Variants in PIK3R4 observed in about 807,000 individuals in gnomAD.
The protein encoded by PIK3R4 is phosphoinositide 3-kinase regulatory subunit 4.
A neutral mutation model predicts 136.5 loss-of-function variants in PIK3R4; 46 were observed. That is an observed-to-expected ratio of 0.34 (90% confidence interval 0.27 to 0.43). PIK3R4 has a LOEUF of 0.43. Ranked by LOEUF, PIK3R4 falls within the 20% of genes least tolerant of loss-of-function variation. The probability of loss-of-function intolerance (pLI) is 1.00; values close to 1 mark genes in which losing one functional copy is unlikely to be tolerated. For missense variants in PIK3R4, 1,331 were observed against 1,649.5 expected (o/e 0.81, Z 3.35); for synonymous variants, 557 against 566.7 (o/e 0.98, Z 0.24).
At chr3:130,742,903 T>C (rs975055318) in intron 2 of PIK3R4, among the ~76,000 whole-genome samples, 2 of 152,202 alleles carry the variant, frequency 1.3e-5, no homozygotes, top group Admixed American at 1.3e-4. Context: ...CTCAGCTTCA[T>C]GTGGTCTGTG....
In PIK3R4 at chr3:130,723,437, A is replaced by G. The variant is rs2066714259; in HGVS notation, c.1958T>C (p.Val653Ala). Residue 653 changes from valine to alanine, a missense_variant, in exon 7 of 20, where the codon GTT becomes GCT. By Grantham distance (64) the Val-to-Ala change is moderately conservative. Around this residue, in one of 2 missense-constraint regions of PIK3R4, gnomAD observed 1,180 missense variants for 1,407.0 expected, o/e 0.84. Coordinates refer to ENST00000356763, the MANE Select transcript of PIK3R4 (RefSeq NM_014602.3). ...ACCAATATCACTGGCAAATTCGTAA[A>G]CATGGGGTTTTTGTAGCAGTCCTAA... ...CQLGLLQKPH[V>A]YEFASDIAPF... is the part of the protein sequence containing the mutation. 2 of 1,603,994 alleles carry G rather than the reference A, an allele frequency of 1.2e-6. No homozygotes were observed. Among genetic ancestry groups the G allele is most frequent in the Admixed American group, 1.7e-5 (1 of 58,072 alleles).
rs184568418 is a variant in PIK3R4, at chr3:130,693,526, A to G, written c.3099-2872T>C. Among the ~76,000 whole-genome samples, 298 of 152,194 alleles carry G rather than the reference A, an allele frequency of 2.0e-3. 1 individual carries two copies. Among genetic ancestry groups the G allele is most frequent in the African/African-American group, 7.0e-3 (290 of 41,532 alleles). On this transcript the variant is annotated intron_variant, in intron 13 of 19. Transcript: ENST00000356763. ...GAAGGAGTATCTCACTGTGGTTTTG[A>G]TTTACATTTCTCTAGTGACTAAGAA...
chr3:130,712,739 TA>T (rs2066639344), intron 9 of PIK3R4, among the ~76,000 whole-genome samples: 1 of 151,884 alleles, frequency 6.6e-6, no homozygotes, highest in Non-Finnish European at 1.5e-5. Context: ...TCCAAGTCTC[TA>T]CTAGTAATCC....
At chr3:130,726,751 T>A (rs981862971) in intron 6 of PIK3R4, among the ~76,000 whole-genome samples, 3 of 151,928 alleles carry the variant, frequency 2.0e-5, no homozygotes, top group African/African-American at 7.2e-5. Context: ...AAATAAAAAA[T>A]TTATTTTTAA....
intron 14 of PIK3R4, among the ~76,000 whole-genome samples, chr3:130,688,826 T>G (rs78089843): frequency 1.3e-5 from 2 of 152,322 alleles, no homozygotes; most frequent in African/African-American, 4.8e-5. Context: ...TTGTAAATAT[T>G]TTAGGCTTTG....
chr3:130,703,218 C>T (rs1359075590), intron 13 of PIK3R4, among the ~76,000 whole-genome samples: 1 of 152,186 alleles, frequency 6.6e-6, no homozygotes, highest in South Asian at 2.1e-4. Context: ...ATCTAACTGG[C>T]CCCTCTTACT....
chr3:130,687,601 A>T (rs958830367), intron 14 of PIK3R4, among the ~76,000 whole-genome samples: 2 of 152,062 alleles, frequency 1.3e-5, no homozygotes, highest in Non-Finnish European at 2.9e-5. Context: ...GTTGACTGGG[A>T]TTCTTCTGTA....
chr3:130,729,805 A>G (rs559585786), intron 5 of PIK3R4, among the ~76,000 whole-genome samples: 2 of 152,342 alleles, frequency 1.3e-5, no homozygotes, highest in African/African-American at 4.8e-5. Flanking sequence ...CTCAACAAAC[A>G]TTAAGTAAAA....
chr3:130,704,822 T>G (rs1016534762), intron 12 of PIK3R4, among the ~76,000 whole-genome samples: 1 of 151,992 alleles, frequency 6.6e-6, no homozygotes, highest in Non-Finnish European at 1.5e-5. Flanking sequence ...TTTTTATTTA[T>G]TTACTTTATT....
Position 130,744,865 on chromosome 3 carries a change from T to C in PIK3R4, c.354A>G (p.Pro118=), listed in dbSNP as rs2066843975. The change falls in exon 2 of 20, where the codon CCA becomes CCG. Residue 118 remains proline, a synonymous_variant. Coordinates refer to ENST00000356763, the MANE Select transcript of PIK3R4 (RefSeq NM_014602.3). The part of the protein sequence containing the change: ...DNLYDRISTR[P]FLNNIEKRWI... ...AGCGCTTCTCAATGTTATTCAAGAA[T>C]GGACGGGTACTGATGCGATCATAGA... 1.9e-6 allele frequency: 3 copies of C among 1,614,214 alleles called. No homozygotes were observed. Among genetic ancestry groups the C allele is most frequent in the Non-Finnish European group, 2.5e-6 (3 of 1,180,042 alleles).
At chr3:130,690,447 G>A (rs2066510505) in intron 14 of PIK3R4, 43 bp downstream of exon 14, 1 of 1,443,176 alleles carries the variant, frequency 6.9e-7, no homozygotes, top group Non-Finnish European at 9.6e-7. Flanking sequence ...AGGTACTGTA[G>A]TGCACTAAAT....
At chr3:130,694,207 T>G (rs73868944) in intron 13 of PIK3R4, among the ~76,000 whole-genome samples, 5,525 of 152,176 alleles carry the variant, frequency 0.036, 358 homozygotes, top group African/African-American at 0.13. Context: ...AATACAGAAG[T>G]GTGAGTCCTT....
chr3:130,705,651 T>TAACTC lies in PIK3R4; in HGVS notation c.2841_2842insGAGTT (p.Ile948GlufsTer15). Reference sequence around the variant, plus strand: ...TTGCACTGCTCCCGCTTTTGCTGGATGAGTTGCTGAAGTTCAGTTTTACAA... The same window carrying TAACTC: ...TTGCACTGCTCCCGCTTTTGCTGGATAACTCGAGTTGCTGAAGTTCAGTTTTACAA... On this transcript the variant is annotated frameshift_variant, in exon 12 of 20. Transcript: ENST00000356763. LOFTEE classifies it high-confidence loss of function. 6.2e-7 allele frequency: 1 copy of TAACTC among 1,613,478 alleles called. No individual in the cohort carries two copies. Among genetic ancestry groups the TAACTC allele is most frequent in the Non-Finnish European group, 8.5e-7 (1 of 1,179,404 alleles).
chr3:130,724,580 GAATTCTCAA>G (rs1323375390), intron 6 of PIK3R4, among the ~76,000 whole-genome samples: 1 of 151,922 alleles, frequency 6.6e-6, no homozygotes, highest in Non-Finnish European at 1.5e-5. Flanking sequence ...AAATTGTTGA[GAATTCTCAA>G]TTCTCAACTA....
At position 130,704,354 on chromosome 3, in the gene PIK3R4, A is replaced by G. The variant is rs185442182; in HGVS notation, c.2933-466T>C. On this transcript the variant is annotated intron_variant, in intron 12 of 19. Transcript: ENST00000356763. Reference sequence around the variant, plus strand: ...ACTGTTTTTAAAGTTGTGCTGGTATATCACAAAAACCGTTTGAACATTAAA... The same window carrying G: ...ACTGTTTTTAAAGTTGTGCTGGTATGTCACAAAAACCGTTTGAACATTAAA... Among the ~76,000 whole-genome samples, 509 of 152,342 alleles carry G rather than the reference A, an allele frequency of 3.3e-3. 2 individuals carry two copies. Among genetic ancestry groups the G allele is most frequent in the African/African-American group, 0.011 (470 of 41,586 alleles).
rs748807652 is a variant in PIK3R4, at chr3:130,723,511, C to G, written c.1884G>C (p.Glu628Asp). 2 of 1,614,078 alleles carry G rather than the reference C, an allele frequency of 1.2e-6. No homozygotes were observed. The highest frequency in any genetic ancestry group is 1.7e-6 in the Non-Finnish European group (2 of 1,179,980). Reference protein sequence around the residue: ...PLLQQGLSDAEEFVIVKALYA... With the variant: ...PLLQQGLSDADEFVIVKALYA... ...AAAGAGCTTTCACAATGACAAATTC[C>G]TCAGCATCACTAAGACCTTGTTGCA... Residue 628 changes from glutamate to aspartate, a missense_variant, in exon 7 of 20, where the codon GAG becomes GAC. This residue lies in a region of PIK3R4 where 1,180 missense variants were observed against 1,407.0 expected (regional missense o/e 0.84). Coordinates refer to ENST00000356763, the MANE Select transcript of PIK3R4 (RefSeq NM_014602.3).
intron 11 of PIK3R4, 34 bp from the exon 12 acceptor site, chr3:130,705,805 C>T (rs148194022): frequency 9.9e-6 from 13 of 1,308,950 alleles, no homozygotes; most frequent in South Asian, 6.0e-5. Flanking sequence ...CTATTTACGT[C>T]GTAAGCAAAG....
rs944855221 is a variant in PIK3R4, at chr3:130,740,561, A to T, written c.733+3925T>A. On this transcript the variant is annotated intron_variant, in intron 2 of 19. Coordinates refer to ENST00000356763, the MANE Select transcript of PIK3R4 (RefSeq NM_014602.3). ...AAGACCAGCCTGGCCAACATGGAGAAACCCTGTCTCTACTAAAAATACAAA... is the reference window on the plus strand; with the variant it reads ...AAGACCAGCCTGGCCAACATGGAGATACCCTGTCTCTACTAAAAATACAAA... 3.9e-5 allele frequency among the ~76,000 whole-genome samples: 6 copies of T among 152,066 alleles called. No homozygotes were observed. In the South Asian group the frequency reaches 1.0e-3, roughly 26 times the overall value.
chr3:130,701,240 G>C (rs1456740924), intron 13 of PIK3R4, among the ~76,000 whole-genome samples: 2 of 152,052 alleles, frequency 1.3e-5, no homozygotes, highest in Non-Finnish European at 2.9e-5. Context: ...GGCTGGGTGC[G>C]GTGGCTCACA....
Sources: allele counts gnomAD v4.1 joint callset (sites outside exome capture counted in the v4.1 genomes callset), GRCh38; gene constraint gnomAD v4.1.1; regional missense constraint gnomAD v4.1.1; transcripts MANE v1.5; gene names NCBI Gene and HGNC (gene_info 2026-07-23, HGNC 2026-07-21).